Variants in DCC observed in about 807,000 individuals in gnomAD.
DCC encodes netrin receptor DCC.
A neutral mutation model predicts 172.5 loss-of-function variants in DCC; 58 were observed. That is an observed-to-expected ratio of 0.34 (90% CI 0.27 to 0.42). The LOEUF is 0.42. DCC is among the 10% of genes least tolerant of loss of function. The pLI is 1.00. For missense variants in DCC, 1,740 were observed against 1,791.0 expected, an observed-to-expected ratio of 0.97 and a Z score of 0.51; for synonymous variants, 709 against 644.5, an observed-to-expected ratio of 1.10 and a Z score of -1.52.
At chr18:53,358,530 C>CTTT (rs35093625) in intron 15 of DCC, among the ~76,000 whole-genome samples, 4,418 of 95,778 alleles carry the variant, frequency 0.046, 402 homozygotes, top group African/African-American at 0.12. Flanking sequence ...TTCTCTCTCT[C>CTTT]TTTTTTTTTT....
chr18:52,636,020 C>T (rs1156930703), intron 1 of DCC, among the ~76,000 whole-genome samples: 4 of 152,236 alleles, frequency 2.6e-5, no homozygotes, highest in East Asian at 1.9e-4. Flanking sequence ...ATACTGTGAG[C>T]GCCCCAACTG....
intron 2 of DCC, among the ~76,000 whole-genome samples, chr18:52,862,514 A>G (rs1598877307): frequency 6.6e-6 from 1 of 152,162 alleles, no homozygotes; most frequent in Non-Finnish European, 1.5e-5. Context: ...ACCAGCCTGT[A>G]TGCTGAAACC....
At chr18:52,665,816 T>A (rs964256829) in intron 1 of DCC, among the ~76,000 whole-genome samples, 1 of 152,218 alleles carries the variant, frequency 6.6e-6, no homozygotes, top group Non-Finnish European at 1.5e-5. Context: ...TTTCTCTGCC[T>A]ATGAAACTGA....
At chr18:53,036,377 TA>T (rs763913055) in intron 5 of DCC, among the ~76,000 whole-genome samples, 29 of 151,988 alleles carry the variant, frequency 1.9e-4, no homozygotes, top group Non-Finnish European at 3.4e-4. Context: ...ACTAGGTGAA[TA>T]GAGAAAACTG....
chr18:52,894,434 A>G (rs1459326391), intron 2 of DCC, among the ~76,000 whole-genome samples: 1 of 150,850 alleles, frequency 6.6e-6, no homozygotes, highest in Non-Finnish European at 1.5e-5. Context: ...TACACACAAT[A>G]TAAGTATGTA....
chr18:53,243,661 C>G (rs1451761732), intron 12 of DCC, among the ~76,000 whole-genome samples: 1 of 152,158 alleles, frequency 6.6e-6, no homozygotes, highest in Non-Finnish European at 1.5e-5. Context: ...AAACTTAATG[C>G]TGCTGAACGC....
intron 1 of DCC, among the ~76,000 whole-genome samples, chr18:52,361,046 C>T (rs1047057301): frequency 6.6e-6 from 1 of 152,176 alleles, no homozygotes; most frequent in Non-Finnish European, 1.5e-5. Context: ...CACATGAGGT[C>T]ACAGCAGCGC....
chr18:53,145,102 C>G (rs1266475742), intron 7 of DCC, among the ~76,000 whole-genome samples: 1 of 95,952 alleles, frequency 1.0e-5, no homozygotes, highest in Non-Finnish European at 2.1e-5. Context: ...TGTGAGGGCT[C>G]TGCTTTTTTT....
chr18:53,411,332 T>C (rs1471236890), intron 20 of DCC, among the ~76,000 whole-genome samples: 7 of 152,276 alleles, frequency 4.6e-5, no homozygotes, highest in Non-Finnish European at 1.5e-5. Flanking sequence ...ATTACAATAA[T>C]TTGAATGTTT....
At chr18:52,960,972 G>T (rs1337841354) in intron 5 of DCC, among the ~76,000 whole-genome samples, 1 of 152,086 alleles carries the variant, frequency 6.6e-6, no homozygotes, top group Non-Finnish European at 1.5e-5. Context: ...CAATTTCATT[G>T]CTTCCTATAA....
intron 12 of DCC, among the ~76,000 whole-genome samples, chr18:53,256,581 T>C (rs1444019119): frequency 2.6e-5 from 4 of 152,192 alleles, no homozygotes; most frequent in Non-Finnish European, 4.4e-5. Flanking sequence ...ATCTCTGTTT[T>C]GGTACCAGTA....
chr18:52,978,898 T>G (rs1450307646), intron 5 of DCC, among the ~76,000 whole-genome samples: 1 of 152,238 alleles, frequency 6.6e-6, no homozygotes, highest in Admixed American at 6.5e-5. Flanking sequence ...CATTTCATTC[T>G]TTTTTATGGC....
chr18:52,704,770 G>A (rs894786256), intron 1 of DCC, among the ~76,000 whole-genome samples: 7 of 152,284 alleles, frequency 4.6e-5, no homozygotes, highest in South Asian at 2.1e-4. Flanking sequence ...TCCAGTGGGC[G>A]TGCCTTCTTG....
chr18:52,391,121 C>T (rs577546097), intron 1 of DCC, among the ~76,000 whole-genome samples: 1 of 152,048 alleles, frequency 6.6e-6, no homozygotes, highest in South Asian at 2.1e-4. Flanking sequence ...GTAATATTTC[C>T]ATTTTGAAGA....
intron 2 of DCC, among the ~76,000 whole-genome samples, chr18:52,846,102 G>A (rs560231351): frequency 6.6e-4 from 100 of 152,282 alleles, no homozygotes; most frequent in African/African-American, 2.4e-3. Context: ...GGATTTCATT[G>A]ATTTCCAGCA....
intron 21 of DCC, among the ~76,000 whole-genome samples, chr18:53,428,423 A>T (rs1052475554): frequency 6.6e-5 from 2 of 30,412 alleles, no homozygotes; most frequent in Non-Finnish European, 1.8e-4. Flanking sequence ...ATATAATATA[A>T]TATATTACAT....
intron 2 of DCC, among the ~76,000 whole-genome samples, chr18:52,863,790 T>A (rs561512386): frequency 1.3e-5 from 2 of 151,534 alleles, no homozygotes; most frequent in African/African-American, 4.9e-5. Context: ...TCATCTCAAA[T>A]TAAATTTTCT....
At chr18:52,640,294 T>C (rs12954755) in intron 1 of DCC, among the ~76,000 whole-genome samples, 144,315 of 152,142 alleles carry the variant, frequency 0.95, 68,949 homozygotes, top group East Asian at 1. Context: ...CTCTGAGAAC[T>C]GGAACAAGAC....
intron 1 of DCC, among the ~76,000 whole-genome samples, chr18:52,699,274 C>T (rs911127757): frequency 2.0e-5 from 3 of 152,212 alleles, no homozygotes; most frequent in Middle Eastern, 3.4e-3. Context: ...TGGGACCATC[C>T]CCCTGAGACC....
Sources: allele counts gnomAD v4.1 joint callset (sites outside exome capture counted in the v4.1 genomes callset), GRCh38; gene constraint gnomAD v4.1.1; transcripts MANE v1.5; gene names NCBI Gene and HGNC (gene_info 2026-07-23, HGNC 2026-07-21).